The following KIAA1328 variants were observed in gnomAD, a reference collection of about 807,000 sequenced individuals.
KIAA1328 encodes the protein protein hinderin.
A neutral mutation model predicts 68.1 loss-of-function variants in KIAA1328; 52 were observed. The ratio of observed to expected loss-of-function variants is 0.76; its 90% confidence interval spans 0.61 to 0.96. KIAA1328 has a LOEUF of 0.96. Ranked by LOEUF, KIAA1328 falls within the 40% of genes least tolerant of loss-of-function variation. KIAA1328 has a pLI of 0.00. For missense variants in KIAA1328, 641 were observed against 677.6 expected (o/e 0.95, Z 0.60); for synonymous variants, 232 against 239.4 (o/e 0.97, Z 0.28).
chr18:37,152,930 A>C (rs1344951587), intron 7 of KIAA1328, among the ~76,000 whole-genome samples: 3 of 152,132 alleles, frequency 2.0e-5, no homozygotes, highest in Non-Finnish European at 1.5e-5. Flanking sequence ...CAGCTGTGCC[A>C]ATAGGAAAAG....
intron 9 of KIAA1328, among the ~76,000 whole-genome samples, chr18:37,205,088 G>A (rs1016883750): frequency 1.3e-5 from 2 of 152,186 alleles, no homozygotes; most frequent in Admixed American, 1.3e-4. Flanking sequence ...AAGAGGTGCA[G>A]TGCAGTCCTC....
intron 5 of KIAA1328, among the ~76,000 whole-genome samples, chr18:36,889,268 A>G (rs2048601323): frequency 2.0e-5 from 3 of 152,358 alleles, no homozygotes; most frequent in African/African-American, 7.2e-5. Context: ...CTGGATGAGT[A>G]TGAAAAGAAA....
At position 36,835,657 on chromosome 18, in the gene KIAA1328, T is replaced by C. The variant is rs574818592; in HGVS notation, c.237+281T>C. Among the ~76,000 whole-genome samples the C allele has an allele frequency of 3.9e-5, 6 of 152,326 alleles. No homozygotes were observed. In the South Asian group the frequency reaches 1.2e-3, roughly 32 times the overall value. ...GAACTACATTCTGATCTGTGTGGCA[T>C]TGGTAAATCAAACTGATGAGAATTG... On this transcript the variant is annotated intron_variant, in intron 3 of 9. Transcript: ENST00000280020.
At chr18:36,938,194 C>A (rs2050577073) in intron 5 of KIAA1328, among the ~76,000 whole-genome samples, 1 of 152,118 alleles carries the variant, frequency 6.6e-6, no homozygotes, top group South Asian at 2.1e-4. Flanking sequence ...TCCATAATGG[C>A]TCTGTTAATT....
chr18:36,893,985 A>G (rs1313314003), intron 5 of KIAA1328, among the ~76,000 whole-genome samples: 1 of 152,150 alleles, frequency 6.6e-6, no homozygotes, highest in Non-Finnish European at 1.5e-5. Flanking sequence ...TTTTCTATTT[A>G]CAGAGCACTT....
chr18:37,209,570 A>C lies in KIAA1328; in HGVS notation c.1524-12447A>C, dbSNP rs760030392. 2.2e-4 allele frequency among the ~76,000 whole-genome samples: 33 copies of C among 152,156 alleles called. 1 individual carries two copies. Among genetic ancestry groups the C allele is most frequent in the Non-Finnish European group, 4.4e-5 (3 of 68,028 alleles). ...CTATTTTGGATGGAGTGGCTAAAGA[A>C]GGCCTCTTTGAGGAGGTGACATTTA... On this transcript the variant is annotated intron_variant, in intron 9 of 9. Transcript: ENST00000280020.
At chr18:37,220,039 A>C (rs1267947167) in intron 9 of KIAA1328, among the ~76,000 whole-genome samples, 2 of 152,210 alleles carry the variant, frequency 1.3e-5, no homozygotes, top group Non-Finnish European at 2.9e-5. Context: ...TGGAGCTGCT[A>C]AGAGTATTTT....
At chr18:36,835,088 T>G (rs1046565319) in intron 2 of KIAA1328, 146 bp from the exon 3 acceptor site, 2 of 542,310 alleles carry the variant, frequency 3.7e-6, no homozygotes, top group African/African-American at 3.9e-5. Flanking sequence ...ATTCATATAT[T>G]AAGAGCTTTA....
chr18:37,115,208 C>A (rs1436529894), intron 7 of KIAA1328, among the ~76,000 whole-genome samples: 1 of 152,086 alleles, frequency 6.6e-6, no homozygotes, highest in South Asian at 2.1e-4. Flanking sequence ...AGAGGCATGA[C>A]AAAGAAAGAG....
intron 9 of KIAA1328, among the ~76,000 whole-genome samples, chr18:37,203,525 T>A (rs534826040): frequency 6.6e-6 from 1 of 152,342 alleles, no homozygotes; most frequent in East Asian, 1.9e-4. Flanking sequence ...GTAGTTTTAA[T>A]TACATATATT....
At chr18:36,904,279 A>G (rs1216779752) in intron 5 of KIAA1328, among the ~76,000 whole-genome samples, 2 of 152,254 alleles carry the variant, frequency 1.3e-5, no homozygotes, top group East Asian at 1.9e-4. Context: ...TTCTATATGC[A>G]TATTGATTTT....
At chr18:36,858,103 T>C (rs1297176851) in intron 4 of KIAA1328, among the ~76,000 whole-genome samples, 2 of 152,208 alleles carry the variant, frequency 1.3e-5, no homozygotes. Flanking sequence ...AGGAATGCCA[T>C]TATCTCCAGC....
chr18:37,009,236 T>C (rs1481132087), intron 6 of KIAA1328, among the ~76,000 whole-genome samples: 1 of 152,166 alleles, frequency 6.6e-6, no homozygotes. Flanking sequence ...CTATCTTTCT[T>C]TCTTAATGCC....
intron 5 of KIAA1328, among the ~76,000 whole-genome samples, chr18:36,948,079 G>A (rs183444690): frequency 4.6e-5 from 7 of 152,112 alleles, no homozygotes; most frequent in Admixed American, 1.3e-4. Context: ...GGCCAAGAGC[G>A]GCCTTCATTC....
intron 7 of KIAA1328, among the ~76,000 whole-genome samples, chr18:37,156,674 A>T (rs370298669): frequency 1.1e-3 from 164 of 152,274 alleles, no homozygotes; most frequent in Middle Eastern, 6.8e-3. Context: ...GACAACTGAG[A>T]TTTCTTATGA....
intron 6 of KIAA1328, among the ~76,000 whole-genome samples, chr18:37,006,751 A>T (rs1016271365): frequency 1.3e-5 from 2 of 152,092 alleles, no homozygotes; most frequent in Non-Finnish European, 2.9e-5. Flanking sequence ...GATAATCTGT[A>T]AGTGTCTTCT....
At chr18:37,174,320 C>A (rs2059555015) in intron 9 of KIAA1328, among the ~76,000 whole-genome samples, 1 of 151,652 alleles carries the variant, frequency 6.6e-6, no homozygotes, top group South Asian at 2.1e-4. Context: ...GGAGGCCACA[C>A]ACAATCAAAA....
intron 9 of KIAA1328, among the ~76,000 whole-genome samples, chr18:37,207,706 G>GC (rs1314565794): frequency 1.3e-4 from 20 of 152,230 alleles, no homozygotes; most frequent in Non-Finnish European, 2.9e-4. Context: ...TTAGGCTACA[G>GC]CCCAAACATC....
chr18:37,075,111 C>T (rs1432321868), intron 7 of KIAA1328: 1 of 151,836 alleles, frequency 6.6e-6, no homozygotes, highest in Admixed American at 6.6e-5. Flanking sequence ...AAAGGGAAGC[C>T]CATCAGACTA....
Sources: allele counts gnomAD v4.1 joint callset (sites outside exome capture counted in the v4.1 genomes callset), GRCh38; gene constraint gnomAD v4.1.1; transcripts MANE v1.5; gene names NCBI Gene and HGNC (gene_info 2026-07-23, HGNC 2026-07-21).